TCF7L1: variants seen among roughly 807,000 people sequenced by gnomAD.
TCF7L1 encodes the protein transcription factor 7 like 1.
A neutral mutation model predicts 63.7 loss-of-function variants in TCF7L1; 18 were observed. The ratio of observed to expected loss-of-function variants is 0.28; its 90% CI spans 0.20 to 0.42. TCF7L1 has a LOEUF of 0.42. Ranked by LOEUF, TCF7L1 falls within the 10% of genes least tolerant of loss-of-function variation. The pLI is 1.00. For missense variants in TCF7L1, 654 were observed against 779.3 expected, an observed-to-expected ratio of 0.84 and a Z score of 1.91; for synonymous variants, 355 against 340.9, an observed-to-expected ratio of 1.04 and a Z score of -0.46.
intron 3 of TCF7L1, among the ~76,000 whole-genome samples, chr2:85,197,738 TTG>T (rs1249508628): frequency 6.6e-6 from 1 of 152,236 alleles, no homozygotes. Context: ...CATCTGATTT[TTG>T]TGTTGGAGAT....
At chr2:85,169,398 T>C (rs772329131) in intron 3 of TCF7L1, among the ~76,000 whole-genome samples, 5 of 151,692 alleles carry the variant, frequency 3.3e-5, no homozygotes, top group Non-Finnish European at 7.4e-5. Context: ...TTTCGCTCTG[T>C]TGCCCAGGCT....
rs1373183123 is a variant in TCF7L1 at position 85,238,545 on chromosome 2, A to G, written c.442-44950A>G. On this transcript the variant is annotated intron_variant, in intron 3 of 11. Transcript: ENST00000282111. ...TTCTTCCTTCAACGCTTCCTTATGG[A>G]TTGCCTTCTGCCTCCAGTCACTGTC... Among the ~76,000 whole-genome samples the G allele has an allele frequency of 3.3e-5, 5 of 152,138 alleles. No individual in the cohort carries two copies. In the East Asian group the frequency reaches 7.7e-4, roughly 24 times the overall value.
At chr2:85,150,009 G>A (rs1026201697) in intron 3 of TCF7L1, among the ~76,000 whole-genome samples, 1 of 152,154 alleles carries the variant, frequency 6.6e-6, no homozygotes, top group Non-Finnish European at 1.5e-5. Context: ...TACTGAAATC[G>A]GGAAATTAAC....
intron 3 of TCF7L1, among the ~76,000 whole-genome samples, chr2:85,178,174 A>G (rs1574092312): frequency 6.6e-6 from 1 of 152,202 alleles, no homozygotes; most frequent in East Asian, 1.9e-4. Context: ...TTAGAGGGGA[A>G]AGGAGTAAGC....
intron 3 of TCF7L1, among the ~76,000 whole-genome samples, chr2:85,195,436 C>T (rs1180562020): frequency 2.6e-5 from 4 of 152,124 alleles, no homozygotes; most frequent in South Asian, 2.1e-4. Context: ...GGTGACAGAG[C>T]GAGGAGACAC....
intron 3 of TCF7L1, among the ~76,000 whole-genome samples, chr2:85,207,485 G>A (rs1414978824): frequency 6.6e-6 from 1 of 151,870 alleles, no homozygotes; most frequent in East Asian, 1.9e-4. Context: ...CACAGCTGCC[G>A]GCTAGCTATC....
At chr2:85,180,779 A>G (rs1678787321) in intron 3 of TCF7L1, among the ~76,000 whole-genome samples, 1 of 152,188 alleles carries the variant, frequency 6.6e-6, no homozygotes, top group South Asian at 2.1e-4. Flanking sequence ...CAGCCCCAAC[A>G]CATAGGTTAG....
chr2:85,202,921 C>G (rs1422961748), intron 3 of TCF7L1, among the ~76,000 whole-genome samples: 1 of 152,162 alleles, frequency 6.6e-6, no homozygotes, highest in Admixed American at 6.5e-5. Flanking sequence ...GCAAGCTCCA[C>G]CTCCTGGGTT....
At chr2:85,283,392 C>T in intron 3 of TCF7L1, 103 bp from the exon 4 acceptor site, 3 of 1,226,084 alleles carry the variant, frequency 2.4e-6, no homozygotes, top group Non-Finnish European at 3.6e-6. Flanking sequence ...GCAGGCCACC[C>T]CAATGGCCTG....
intron 3 of TCF7L1, among the ~76,000 whole-genome samples, chr2:85,232,064 G>T (rs1298085194): frequency 1.3e-5 from 2 of 152,146 alleles, no homozygotes; most frequent in African/African-American, 4.8e-5. Flanking sequence ...TGAGAGTCCA[G>T]ATCTTCATCA....
chr2:85,205,844 TCAA>T (rs1679396363), intron 3 of TCF7L1, among the ~76,000 whole-genome samples: 5 of 152,344 alleles, frequency 3.3e-5, no homozygotes, highest in African/African-American at 1.2e-4. Flanking sequence ...TTCTAGCTGC[TCAA>T]GCAGTTTTCT....
At chr2:85,194,173 C>T (rs185362226) in intron 3 of TCF7L1, among the ~76,000 whole-genome samples, 1 of 152,150 alleles carries the variant, frequency 6.6e-6, no homozygotes, top group African/African-American at 2.4e-5. Context: ...CACCTTCCCA[C>T]CGAAACAGGA....
chr2:85,236,333 A>G (rs1051081582), intron 3 of TCF7L1, among the ~76,000 whole-genome samples: 1 of 152,124 alleles, frequency 6.6e-6, no homozygotes, highest in Non-Finnish European at 1.5e-5. Flanking sequence ...CTTTGAGATG[A>G]CCTGGGTCAC....
At chr2:85,250,019 TG>T (rs1166257947) in intron 3 of TCF7L1, among the ~76,000 whole-genome samples, 2 of 152,246 alleles carry the variant, frequency 1.3e-5, no homozygotes, top group East Asian at 3.8e-4. Flanking sequence ...GTAGCATTTG[TG>T]TCTAATGCAG....
chr2:85,276,650 CTTCAGGCAGAGGCTG>C lies in TCF7L1; in HGVS notation c.442-6840_442-6826del, dbSNP rs553751533. 4.6e-5 allele frequency among the ~76,000 whole-genome samples: 7 copies of C among 152,284 alleles called. No homozygotes were observed. The East Asian group carries it at 9.7e-4, about 21-fold the overall frequency. On this transcript the variant is annotated intron_variant, in intron 3 of 11. Coordinates refer to ENST00000282111, the MANE Select transcript of TCF7L1 (RefSeq NM_031283.3). ...TCACATCTCTCCCCTGCTCTAAAGG[CTTCAGGCAGAGGCTG>C]TTCAACCCCTCGTTACAGATGTGGA...
At chr2:85,156,904 T>C (rs938149720) in intron 3 of TCF7L1, among the ~76,000 whole-genome samples, 4 of 152,116 alleles carry the variant, frequency 2.6e-5, no homozygotes, top group Admixed American at 2.0e-4. Flanking sequence ...AGAAATATTT[T>C]GGTTAGACTT....
At position 85,309,858 on chromosome 2, in the gene TCF7L1, T is replaced by C. The variant is rs935149453; in HGVS notation, c.*396T>C. 16 of 184,702 alleles carry C rather than the reference T, an allele frequency of 8.7e-5. No individual in the cohort carries two copies. The highest frequency in any genetic ancestry group is 3.5e-4 in the African/African-American group (15 of 42,598). 11.4% of individuals were successfully genotyped at this position (184,702 alleles called of 1,614,324 possible). On this transcript the variant is annotated 3_prime_UTR_variant, in exon 12 of 12. Transcript: ENST00000282111. Reference sequence around the variant, plus strand: ...CATCTGCAGCTCTGCCATTGTGACATTTCCTGTTACCCAGCCCAAGTTTTC... The same window carrying C: ...CATCTGCAGCTCTGCCATTGTGACACTTCCTGTTACCCAGCCCAAGTTTTC...
intron 3 of TCF7L1, among the ~76,000 whole-genome samples, chr2:85,148,334 G>A (rs1677929077): frequency 6.6e-6 from 1 of 152,154 alleles, no homozygotes; most frequent in African/African-American, 2.4e-5. Flanking sequence ...CAAGGCTTGA[G>A]GGATGGAGAA....
chr2:85,209,223 A>G (rs1044999821), intron 3 of TCF7L1, among the ~76,000 whole-genome samples: 1 of 152,226 alleles, frequency 6.6e-6, no homozygotes, highest in Non-Finnish European at 1.5e-5. Context: ...CAAAGAGGAA[A>G]GTGATTGCTG....
Sources: gnomAD v4.1 joint callset for allele counts (sites outside exome capture counted in the v4.1 genomes callset) on GRCh38, gnomAD v4.1.1 for gene constraint, MANE v1.5 for transcripts, NCBI Gene and HGNC (gene_info 2026-07-23, HGNC 2026-07-21) for gene names.